The following KCTD3 variants were observed in gnomAD, a reference collection of about 807,000 sequenced individuals.
KCTD3 encodes potassium channel tetramerization domain containing 3.
Under a neutral mutation model 85.8 loss-of-function variants are expected in KCTD3, and 41 were observed. That is an observed-to-expected ratio of 0.48 (90% confidence interval 0.37 to 0.62). The LOEUF is 0.62. Among genes scored for constraint, KCTD3 ranks in the 20% least tolerant of loss-of-function variants. The pLI is 0.00. For missense variants in KCTD3, 724 were observed against 989.9 expected, an observed-to-expected ratio of 0.73 and a Z score of 3.60; for synonymous variants, 338 against 345.4, an observed-to-expected ratio of 0.98 and a Z score of 0.24.
At chr1:215,569,461 A>T (rs542996767) in intron 1 of KCTD3, among the ~76,000 whole-genome samples, 2 of 152,218 alleles carry the variant, frequency 1.3e-5, no homozygotes, top group Admixed American at 1.3e-4. Flanking sequence ...AAGGACATAC[A>T]GTATTATTGT....
rs1239448314 is a variant in KCTD3, at chr1:215,574,720, T to C, written c.183+602T>C. ...TTATCAATAATAAGATCTCCACAAA[T>C]CTGTGATGTCTCTTCGATTTTTGAT... On this transcript the variant is annotated intron_variant, in intron 3 of 17. Coordinates refer to ENST00000259154, the MANE Select transcript of KCTD3 (RefSeq NM_016121.5). 3.9e-5 allele frequency among the ~76,000 whole-genome samples: 6 copies of C among 152,216 alleles called. No homozygotes were observed. The South Asian group carries it at 1.0e-3, about 26-fold the overall frequency.
intron 1 of KCTD3, among the ~76,000 whole-genome samples, chr1:215,568,806 A>C (rs951896816): frequency 2.6e-5 from 4 of 152,180 alleles, no homozygotes; most frequent in Non-Finnish European, 5.9e-5. Flanking sequence ...AGCTTTCTAG[A>C]ATTTAACACA....
rs114116630 is a variant in KCTD3, at chr1:215,608,497, T to A, written c.1465+325T>A. Among the ~76,000 whole-genome samples the A allele has an allele frequency of 1.8e-3, 281 of 152,036 alleles. 1 individual carries two copies. Among genetic ancestry groups the A allele is most frequent in the Middle Eastern group, 6.8e-3 (2 of 294 alleles). On this transcript the variant is annotated intron_variant, in intron 14 of 17. Transcript: ENST00000259154. ...ACTGTGTACATTTGACATTTGAAAT[T>A]TTTTTTGTTAATCTACTGAAAATAA...
intron 1 of KCTD3, among the ~76,000 whole-genome samples, chr1:215,572,764 T>G (rs567123408): frequency 7.8e-4 from 119 of 152,350 alleles, no homozygotes; most frequent in Non-Finnish European, 1.4e-3. Flanking sequence ...TTCCTGGTGA[T>G]AGTGCATGGT....
chr1:215,620,141 A>G lies in KCTD3; in HGVS notation c.1971A>G (p.Ala657=). ...MRPYRESPLL[A]RARRTESFHS... is the part of the protein sequence containing the mutation. Reference sequence around the variant, plus strand: ...CTTACAGAGAAAGTCCTTTATTAGCAAGGGCAAGAAGGACTGAGAGCTTTC... The same window carrying G: ...CTTACAGAGAAAGTCCTTTATTAGCGAGGGCAAGAAGGACTGAGAGCTTTC... Residue 657 remains alanine (A), a synonymous_variant, in exon 18 of 18, where the codon GCA becomes GCG. Coordinates refer to ENST00000259154, the MANE Select transcript of KCTD3 (RefSeq NM_016121.5). 1.2e-6 allele frequency: 2 copies of G among 1,613,604 alleles called. No individual in the cohort carries two copies. Among genetic ancestry groups the G allele is most frequent in the South Asian group, 2.2e-5 (2 of 91,056 alleles).
At chr1:215,601,005 C>T (rs1418574895) in intron 10 of KCTD3, among the ~76,000 whole-genome samples, 1 of 151,856 alleles carries the variant, frequency 6.6e-6, no homozygotes, top group African/African-American at 2.4e-5. Context: ...TGGCACAATC[C>T]CCGCTCACCG....
chr1:215,613,975 T>C (rs1655329282), intron 15 of KCTD3, among the ~76,000 whole-genome samples: 1 of 151,684 alleles, frequency 6.6e-6, no homozygotes, highest in African/African-American at 2.4e-5. Context: ...GCTTTGTCTA[T>C]TTTATTTGGG....
chr1:215,620,809 T>C lies in KCTD3; in HGVS notation c.*191T>C. 1 of 511,292 alleles carries C rather than the reference T, an allele frequency of 2.0e-6. No homozygotes were observed. The highest frequency in any genetic ancestry group is 2.0e-5 in the African/African-American group (1 of 50,782). The allele number at this position is 511,292 out of a possible 1,614,324, so 31.7% of individuals were successfully genotyped here. A position where few individuals can be genotyped will look rare whatever the true frequency, so the allele number is the denominator to read the frequency against. On this transcript the variant is annotated 3_prime_UTR_variant, in exon 18 of 18. Coordinates refer to ENST00000259154, the MANE Select transcript of KCTD3 (RefSeq NM_016121.5). ...TCTCTTTTGACATTTTGGAAATTTTTTTAATTTTACAAGTACATTTAACAG... is the reference window on the plus strand; with the variant it reads ...TCTCTTTTGACATTTTGGAAATTTTCTTAATTTTACAAGTACATTTAACAG...
intron 10 of KCTD3, among the ~76,000 whole-genome samples, chr1:215,599,892 GAAA>G (rs200797797): frequency 3.5e-5 from 3 of 85,150 alleles, no homozygotes; most frequent in Admixed American, 1.3e-4. Context: ...CTCTTTCATT[GAAA>G]AAAAAAAAAA....
intron 8 of KCTD3, among the ~76,000 whole-genome samples, chr1:215,585,810 T>C (rs760400337): frequency 1.3e-4 from 20 of 152,220 alleles, no homozygotes; most frequent in Non-Finnish European, 7.4e-5. Context: ...TATTAAAGAA[T>C]ACATTAGCTT....
intron 9 of KCTD3, among the ~76,000 whole-genome samples, chr1:215,591,935 G>A (rs529203227): frequency 7.9e-5 from 12 of 152,318 alleles, no homozygotes; most frequent in African/African-American, 2.6e-4. Context: ...TGGACTTACA[G>A]TTCCACATGG....
chr1:215,620,190 A>G lies in KCTD3; in HGVS notation c.2020A>G (p.Ile674Val). The change falls in exon 18 of 18, where the codon ATT (isoleucine) becomes GTT (valine). Residue 674 changes from isoleucine to valine, a missense_variant. This residue lies in a region of KCTD3 where 222 missense variants were observed against 217.7 expected (regional missense o/e 1.02). Transcript: ENST00000259154. Reference protein sequence around the residue: ...SFHSYRDFQTINLNRNVERAV... With the variant: ...SFHSYRDFQTVNLNRNVERAV... ...TCACAGTTATAGGGACTTCCAGACT[A>G]TTAATTTGAACAGAAATGTAGAAAG... 6.2e-7 allele frequency: 1 copy of G among 1,613,910 alleles called. No homozygotes were observed. Among genetic ancestry groups the G allele is most frequent in the Non-Finnish European group, 8.5e-7 (1 of 1,179,836 alleles).
At chr1:215,574,034 G>T (rs768452920) in intron 2 of KCTD3, 39 bp from the exon 3 acceptor site, 11 of 1,486,372 alleles carry the variant, frequency 7.4e-6, no homozygotes, top group Non-Finnish European at 6.5e-6. Context: ...TTTATACTCA[G>T]ATTTTAAAAA....
At chr1:215,588,792 C>G (rs1225147405) in intron 9 of KCTD3, among the ~76,000 whole-genome samples, 1 of 152,158 alleles carries the variant, frequency 6.6e-6, no homozygotes, top group Non-Finnish European at 1.5e-5. Flanking sequence ...CCAGCCACAT[C>G]TATATATTCA....
intron 8 of KCTD3, among the ~76,000 whole-genome samples, chr1:215,585,945 A>G (rs1659990520): frequency 6.6e-6 from 1 of 152,160 alleles, no homozygotes; most frequent in Non-Finnish European, 1.5e-5. Flanking sequence ...AATGTATTGG[A>G]ATGCATGTGA....
Position 215,573,784 on chromosome 1 carries a change from A to AGGTAAT in KCTD3, c.84-1_84insGTAATG. Reference sequence around the variant, plus strand: ...ATAATACCAGATGATTTTTAATTGCAGATTTAGTACCTCAAGACAAACTCT... The same window carrying AGGTAAT: ...ATAATACCAGATGATTTTTAATTGCAGGTAATGATTTAGTACCTCAAGACAAACTCT... On this transcript the variant is annotated splice_acceptor_variant, in intron 1 of 17. Coordinates refer to ENST00000259154, the MANE Select transcript of KCTD3 (RefSeq NM_016121.5). LOFTEE classifies it high-confidence loss of function. 2 of 1,555,806 alleles carry AGGTAAT rather than the reference A, an allele frequency of 1.3e-6. No individual in the cohort carries two copies. Among genetic ancestry groups the AGGTAAT allele is most frequent in the Non-Finnish European group, 1.8e-6 (2 of 1,138,622 alleles).
At chr1:215,575,766 C>G (rs1659550046) in intron 3 of KCTD3, 135 bp from the exon 4 acceptor site, 7 of 557,324 alleles carry the variant, frequency 1.3e-5, no homozygotes, top group Non-Finnish European at 1.9e-5. Context: ...ATTTTAGAAA[C>G]ATTAAAGTTT....
rs1197646885 is a variant in KCTD3 at position 215,579,129 on chromosome 1, T to A, written c.527T>A (p.Val176Asp). ...PVLSGTGEET[V>D]RLGFPVDPRK... ...CTCTCTGGAACGGGAGAAGAAACTG[T>A]TAGGCTAGGTAAGCAAAGATTACAG... The change falls in exon 7 of 18, where the codon GTT (valine) becomes GAT (aspartate). Residue 176 changes from valine (V) to aspartate (D), a missense_variant. Physicochemically the swap from Val to Asp is radical, Grantham distance 152. Transcript: ENST00000259154. 3.1e-6 allele frequency: 5 copies of A among 1,610,482 alleles called. No individual in the cohort carries two copies. The African/African-American group carries it at 6.7e-5, about 22-fold the overall frequency.
chr1:215,567,491 A>T lies in KCTD3; in HGVS notation c.-195A>T, dbSNP rs1659169188. The T allele has an allele frequency of 3.7e-6, 1 of 269,206 alleles. No individual in the cohort carries two copies. Among genetic ancestry groups the T allele is most frequent in the African/African-American group, 2.3e-5 (1 of 44,300 alleles). The allele number at this position is 269,206 out of a possible 1,614,324, so 16.7% of individuals were successfully genotyped here. ...GCCGCCCTTGTGCACCGCAGGATTG[A>T]CCCGGGAAGGGGCAGAAGCTAGCGA... is the stretch of plus-strand genomic sequence containing the variant. On this transcript the variant is annotated 5_prime_UTR_variant, in exon 1 of 18. Coordinates refer to ENST00000259154, the MANE Select transcript of KCTD3 (RefSeq NM_016121.5).
Sources: gnomAD v4.1 joint callset for allele counts (sites outside exome capture counted in the v4.1 genomes callset) on GRCh38, gnomAD v4.1.1 for gene constraint, gnomAD v4.1.1 regional missense constraint, MANE v1.5 for transcripts, NCBI Gene and HGNC (gene_info 2026-07-23, HGNC 2026-07-21) for gene names.